Variants in TNNI3K observed in about 807,000 individuals in gnomAD.
The protein encoded by TNNI3K is TNNI3 interacting kinase.
TNNI3K carries 140 observed loss-of-function variants against 114.5 expected under a neutral mutation model. The observed-to-expected ratio is 1.22, with a 90% CI of 1.07 to 1.41. The LOEUF is 1.41. Among genes scored for constraint, TNNI3K ranks in the 40% most tolerant of loss-of-function variants. TNNI3K has a pLI of 0.00. For synonymous variants in TNNI3K, 347 were observed against 347.5 expected, an observed-to-expected ratio of 1.00 and a Z score of 0.02; for missense variants, 1,125 against 1,007.6, an observed-to-expected ratio of 1.12 and a Z score of -1.58.
intron 7 of TNNI3K, 117 bp from the exon 8 acceptor site, chr1:74,342,725 A>G: frequency 7.6e-7 from 1 of 1,322,844 alleles, no homozygotes; most frequent in African/African-American, 1.5e-5. Context: ...ATTATCATTA[A>G]CTGGCAATTT....
At chr1:74,502,416 CAAAT>C (rs1348135663) in intron 23 of TNNI3K, among the ~76,000 whole-genome samples, 2 of 151,988 alleles carry the variant, frequency 1.3e-5, no homozygotes, top group Non-Finnish European at 2.9e-5. Flanking sequence ...AACAGAAACT[CAAAT>C]AATGTAAGCA....
intron 21 of TNNI3K, among the ~76,000 whole-genome samples, chr1:74,465,744 A>T (rs113321213): frequency 0.014 from 2,095 of 152,248 alleles, 40 homozygotes; most frequent in African/African-American, 0.048. Flanking sequence ...GTCTTGGAGA[A>T]CTTTTATGTC....
At chr1:74,265,072 C>T (rs1441123629) in intron 4 of TNNI3K, among the ~76,000 whole-genome samples, 1 of 151,888 alleles carries the variant, frequency 6.6e-6, no homozygotes, top group African/African-American at 2.4e-5. Context: ...TTAAGAAAAG[C>T]ATAATATTAA....
chr1:74,256,169 T>A (rs116120396), intron 4 of TNNI3K, among the ~76,000 whole-genome samples: 13 of 152,208 alleles, frequency 8.5e-5, no homozygotes, highest in Non-Finnish European at 1.6e-4. Context: ...TGCTTAATTT[T>A]ATGAGAAACT....
intron 11 of TNNI3K, among the ~76,000 whole-genome samples, chr1:74,360,291 C>T (rs1353610824): frequency 1.3e-5 from 2 of 151,934 alleles, no homozygotes; most frequent in Admixed American, 6.6e-5. Context: ...TATACTGTCA[C>T]CCATAAGAAA....
intron 5 of TNNI3K, among the ~76,000 whole-genome samples, chr1:74,309,086 A>G (rs1199882538): frequency 6.6e-6 from 1 of 152,044 alleles, no homozygotes; most frequent in Non-Finnish European, 1.5e-5. Context: ...AAGAAGAGAT[A>G]GGCCGGGCGC....
intron 5 of TNNI3K, among the ~76,000 whole-genome samples, chr1:74,288,123 C>T (rs933348102): frequency 1.3e-5 from 2 of 151,840 alleles, no homozygotes; most frequent in Admixed American, 1.3e-4. Context: ...AAAAGTGAAA[C>T]GGTACAGCAG....
intron 21 of TNNI3K, among the ~76,000 whole-genome samples, chr1:74,472,568 T>A (rs1667988144): frequency 6.6e-6 from 1 of 152,100 alleles, no homozygotes; most frequent in South Asian, 2.1e-4. Flanking sequence ...CATTTCCCAT[T>A]TGCAACTTAA....
intron 19 of TNNI3K, 54 bp from the exon 20 acceptor site, chr1:74,439,436 A>C: frequency 2.5e-6 from 4 of 1,592,756 alleles, no homozygotes; most frequent in Non-Finnish European, 3.4e-6. Context: ...GCTACTCTGC[A>C]GTGGAAGAAC....
At chr1:74,392,791 A>G (rs1023816155) in intron 17 of TNNI3K, among the ~76,000 whole-genome samples, 5 of 152,228 alleles carry the variant, frequency 3.3e-5, no homozygotes, top group African/African-American at 1.2e-4. Flanking sequence ...GAAACGAATG[A>G]ATGAATTGCA....
chr1:74,348,476 T>C (rs1306078525), intron 9 of TNNI3K, among the ~76,000 whole-genome samples: 1 of 152,200 alleles, frequency 6.6e-6, no homozygotes, highest in African/African-American at 2.4e-5. Context: ...GACTTGGCAA[T>C]GCGGGCTCTT....
Position 74,369,115 on chromosome 1 carries a change from G to A in TNNI3K, c.1414+1G>A. 1 of 1,605,884 alleles carries A rather than the reference G, an allele frequency of 6.2e-7. No individual in the cohort carries two copies. The highest frequency in any genetic ancestry group is 8.5e-7 in the Non-Finnish European group (1 of 1,176,940). On this transcript the variant is annotated splice_donor_variant, in intron 14 of 24. Coordinates refer to ENST00000326637, the MANE Select transcript of TNNI3K (RefSeq NM_015978.3). LOFTEE classifies it high-confidence loss of function. ...GAGTTCCATGAGATTATTGGCTCAG[G>A]TAACCTAAAATAAATAAATAAATAA...
At chr1:74,352,222 C>T (rs1435645080) in intron 9 of TNNI3K, among the ~76,000 whole-genome samples, 1 of 152,220 alleles carries the variant, frequency 6.6e-6, no homozygotes, top group African/African-American at 2.4e-5. Flanking sequence ...TTGGAGTTTA[C>T]TGGAGGTCCA....
At chr1:74,365,803 T>A (rs1028842116) in intron 11 of TNNI3K, among the ~76,000 whole-genome samples, 1 of 152,078 alleles carries the variant, frequency 6.6e-6, no homozygotes, top group Non-Finnish European at 1.5e-5. Context: ...CCCACGTTAT[T>A]TCATTATAAC....
chr1:74,243,853 C>G, intron 2 of TNNI3K, among the ~76,000 whole-genome samples: 1 of 151,996 alleles, frequency 6.6e-6, no homozygotes. Flanking sequence ...ACTATGAACT[C>G]TTTAGGATAT....
intron 23 of TNNI3K, among the ~76,000 whole-genome samples, chr1:74,517,454 C>A (rs940584696): frequency 1.1e-4 from 16 of 152,240 alleles, no homozygotes; most frequent in African/African-American, 3.6e-4. Flanking sequence ...GCTGGTGGTA[C>A]CAGGCTGGAC....
intron 5 of TNNI3K, among the ~76,000 whole-genome samples, chr1:74,287,904 T>C (rs75375007): frequency 0.016 from 2,481 of 152,002 alleles, 36 homozygotes; most frequent in Non-Finnish European, 0.024. Flanking sequence ...CAACAAATAT[T>C]CCAATCTAAA....
intron 21 of TNNI3K, among the ~76,000 whole-genome samples, chr1:74,488,610 A>T (rs1668884947): frequency 6.6e-6 from 1 of 152,200 alleles, no homozygotes; most frequent in South Asian, 2.1e-4. Context: ...TATATTTGGA[A>T]TAAACTTTTT....
At chr1:74,260,913 A>T (rs1655624813) in intron 4 of TNNI3K, among the ~76,000 whole-genome samples, 1 of 152,144 alleles carries the variant, frequency 6.6e-6, no homozygotes, top group Non-Finnish European at 1.5e-5. Context: ...ATAGCTTAAG[A>T]CAAAATCTAC....
Sources: allele counts gnomAD v4.1 joint callset (sites outside exome capture counted in the v4.1 genomes callset), GRCh38; gene constraint gnomAD v4.1.1; transcripts MANE v1.5; gene names NCBI Gene and HGNC (gene_info 2026-07-23, HGNC 2026-07-21).